The following NCMAP variants were observed in gnomAD, a reference collection of about 807,000 sequenced individuals.
The protein encoded by NCMAP is noncompact myelin-associated protein.
In NCMAP, 8 loss-of-function variants were observed where a neutral mutation model predicts 7.8. The ratio of observed to expected loss-of-function variants is 1.02; its 90% CI spans 0.60 to 1.84. The LOEUF (loss-of-function observed/expected upper bound fraction) is 1.84, where lower values mean the gene tolerates loss of function less well. NCMAP is among the 40% of genes most tolerant of loss of function. The probability of loss-of-function intolerance (pLI) is 0.00; values close to 1 mark genes in which losing one functional copy is unlikely to be tolerated. For synonymous variants in NCMAP, 41 were observed against 52.9 expected (o/e 0.78, Z 0.98); for missense variants, 112 against 131.4 (o/e 0.85, Z 0.72).
At position 24,581,811 on chromosome 1, in the gene NCMAP, T is replaced by A. The variant is rs186461078; in HGVS notation, c.-7-13613T>A. Among the ~76,000 whole-genome samples, 34 of 152,308 alleles carry A rather than the reference T, an allele frequency of 2.2e-4. No individual in the cohort carries two copies. In the East Asian group the frequency reaches 5.0e-3, roughly 22 times the overall value. On this transcript the variant is annotated intron_variant, in intron 1 of 3. Coordinates refer to ENST00000374392, the MANE Select transcript of NCMAP (RefSeq NM_001010980.5). Reference sequence around the variant, plus strand: ...CAAGACCAAAGACCTTCTAAGCCCTTGGCAGGGAGGAACTCTGGAAAGGAA... The same window carrying A: ...CAAGACCAAAGACCTTCTAAGCCCTAGGCAGGGAGGAACTCTGGAAAGGAA...
At chr1:24,600,569 A>G (rs965688720) in intron 2 of NCMAP, among the ~76,000 whole-genome samples, 6 of 152,198 alleles carry the variant, frequency 3.9e-5, no homozygotes, top group African/African-American at 1.4e-4. Context: ...GCACATATTT[A>G]TATTTTCAAA....
chr1:24,599,832 C>A (rs12144323), intron 2 of NCMAP, among the ~76,000 whole-genome samples: 4,149 of 94,696 alleles, frequency 0.044, 612 homozygotes, highest in Middle Eastern at 0.13. Flanking sequence ...CCCCCCCCCC[C>A]CCCCCCCTTG....
At chr1:24,565,299 G>A (rs1461696590) in intron 1 of NCMAP, among the ~76,000 whole-genome samples, 1 of 116,026 alleles carries the variant, frequency 8.6e-6, no homozygotes, top group Non-Finnish European at 1.7e-5. Context: ...GGGAACTGTT[G>A]AATTCAAGGA....
At chr1:24,557,618 T>C (rs1345060800) in intron 1 of NCMAP, among the ~76,000 whole-genome samples, 1 of 152,046 alleles carries the variant, frequency 6.6e-6, no homozygotes, top group Non-Finnish European at 1.5e-5. Flanking sequence ...CCTTTACTCA[T>C]GTCCTCTAAG....
At chr1:24,562,775 C>T (rs57462428) in intron 1 of NCMAP, among the ~76,000 whole-genome samples, 6,695 of 152,256 alleles carry the variant, frequency 0.044, 467 homozygotes, top group African/African-American at 0.15. Flanking sequence ...AGTCCCACCC[C>T]CACACCCACC....
chr1:24,597,990 G>A (rs560824211), intron 2 of NCMAP, among the ~76,000 whole-genome samples: 1 of 152,126 alleles, frequency 6.6e-6, no homozygotes, highest in Admixed American at 6.6e-5. Flanking sequence ...GGAACTTGGA[G>A]GCATTGCAAC....
intron 1 of NCMAP, among the ~76,000 whole-genome samples, chr1:24,564,730 A>G (rs58955784): frequency 0.13 from 19,754 of 152,046 alleles, 1,801 homozygotes; most frequent in African/African-American, 0.26. Context: ...AAATTCACAC[A>G]TAGGTATCAG....
intron 2 of NCMAP, among the ~76,000 whole-genome samples, chr1:24,598,950 T>C (rs76518937): frequency 0.035 from 5,288 of 151,760 alleles, 145 homozygotes; most frequent in Middle Eastern, 0.12. Flanking sequence ...TCTTGATATT[T>C]TCAGTATCAA....
At chr1:24,593,930 C>T (rs1178093061) in intron 1 of NCMAP, among the ~76,000 whole-genome samples, 13 of 151,880 alleles carry the variant, frequency 8.6e-5, no homozygotes, top group Non-Finnish European at 1.9e-4. Flanking sequence ...GTGACTCTGT[C>T]GCCCAGGCTG....
intron 1 of NCMAP, among the ~76,000 whole-genome samples, chr1:24,560,251 A>G (rs1339900718): frequency 6.6e-6 from 1 of 151,954 alleles, no homozygotes; most frequent in African/African-American, 2.4e-5. Context: ...AAACAACCTC[A>G]GGATTTAAAA....
chr1:24,562,819 C>A (rs1384321326), intron 1 of NCMAP, among the ~76,000 whole-genome samples: 1 of 152,236 alleles, frequency 6.6e-6, no homozygotes, highest in Admixed American at 6.5e-5. Context: ...CAGAGTCTAC[C>A]TCCTGCTGAG....
At chr1:24,559,680 G>A (rs1298315830) in intron 1 of NCMAP, among the ~76,000 whole-genome samples, 1 of 152,178 alleles carries the variant, frequency 6.6e-6, no homozygotes, top group African/African-American at 2.4e-5. Context: ...CTGAACTGTG[G>A]GGGCCCTTGC....
intron 1 of NCMAP, among the ~76,000 whole-genome samples, chr1:24,572,789 C>T (rs1389543999): frequency 1.3e-5 from 2 of 150,788 alleles, no homozygotes; most frequent in African/African-American, 5.0e-5. Flanking sequence ...AAAGTCTCTT[C>T]CACTTTTCCT....
At chr1:24,565,106 A>G (rs1286079832) in intron 1 of NCMAP, among the ~76,000 whole-genome samples, 1 of 151,882 alleles carries the variant, frequency 6.6e-6, no homozygotes, top group African/African-American at 2.4e-5. Context: ...AAATAGAAGC[A>G]GTATTTGGCA....
At chr1:24,600,520 T>C (rs1395708962) in intron 2 of NCMAP, among the ~76,000 whole-genome samples, 1 of 152,246 alleles carries the variant, frequency 6.6e-6, no homozygotes, top group Non-Finnish European at 1.5e-5. Context: ...GATCAGCAGT[T>C]GTTGGGCCAG....
intron 1 of NCMAP, among the ~76,000 whole-genome samples, chr1:24,558,866 A>G (rs549382575): frequency 6.6e-6 from 1 of 152,136 alleles, no homozygotes; most frequent in Non-Finnish European, 1.5e-5. Flanking sequence ...ACTTCCCTTT[A>G]TTTTTCAGTC....
chr1:24,580,625 A>G (rs189344078), intron 1 of NCMAP, among the ~76,000 whole-genome samples: 482 of 152,084 alleles, frequency 3.2e-3, no homozygotes, highest in Non-Finnish European at 5.5e-3. Context: ...TAATTTTTGT[A>G]TTTTTAGTAG....
At chr1:24,582,249 G>A (rs1384018401) in intron 1 of NCMAP, among the ~76,000 whole-genome samples, 1 of 152,184 alleles carries the variant, frequency 6.6e-6, no homozygotes, top group South Asian at 2.1e-4. Flanking sequence ...GATGAAGCAG[G>A]AGTGGATTCA....
At chr1:24,558,250 G>A (rs1351081158) in intron 1 of NCMAP, among the ~76,000 whole-genome samples, 1 of 152,092 alleles carries the variant, frequency 6.6e-6, no homozygotes. Context: ...GTTTAATATC[G>A]GTGTTTTGCC....
Sources: gnomAD v4.1 joint callset for allele counts (sites outside exome capture counted in the v4.1 genomes callset) on GRCh38, gnomAD v4.1.1 for gene constraint, MANE v1.5 for transcripts, NCBI Gene and HGNC (gene_info 2026-07-23, HGNC 2026-07-21) for gene names.